Variants in SLC8A1 observed in about 807,000 individuals in gnomAD.
SLC8A1 encodes the protein sodium/calcium exchanger 1.
In SLC8A1, 18 loss-of-function variants were observed where a neutral mutation model predicts 68.3. That is an observed-to-expected ratio of 0.26 (90% CI 0.18 to 0.39). The LOEUF (loss-of-function observed/expected upper bound fraction) is 0.39, where lower values mean the gene tolerates loss of function less well. Among genes scored for constraint, SLC8A1 ranks in the 10% least tolerant of loss-of-function variants. The pLI is 1.00. For missense variants in SLC8A1, 985 were observed against 1,156.7 expected, an observed-to-expected ratio of 0.85 and a Z score of 2.15; for synonymous variants, 475 against 415.5, an observed-to-expected ratio of 1.14 and a Z score of -1.74.
At chr2:40,159,760 A>G (rs1283069775) in intron 6 of SLC8A1, among the ~76,000 whole-genome samples, 1 of 152,222 alleles carries the variant, frequency 6.6e-6, no homozygotes, top group East Asian at 1.9e-4. Flanking sequence ...GCAAAAAACC[A>G]AAGCAAGATT....
At chr2:40,371,424 G>T (rs1678009023) in intron 2 of SLC8A1, among the ~76,000 whole-genome samples, 1 of 152,064 alleles carries the variant, frequency 6.6e-6, no homozygotes, top group South Asian at 2.1e-4. Context: ...GGGAAAATCA[G>T]TAGTTTCTCA....
At chr2:40,363,163 G>C (rs1675090735) in intron 2 of SLC8A1, among the ~76,000 whole-genome samples, 1 of 152,074 alleles carries the variant, frequency 6.6e-6, no homozygotes, top group Non-Finnish European at 1.5e-5. Context: ...TATTAGATGA[G>C]TCTTATAATC....
exon 8 of SLC8A1, chr2:40,103,236 T>A (rs199987565): frequency 6.6e-6 from 1 of 152,200 alleles, no homozygotes; most frequent in East Asian, 1.9e-4. Flanking sequence ...TATGGTTGCT[T>A]TTTCTTTCTT....
chr2:40,415,092 G>A (rs1168901739), intron 2 of SLC8A1, among the ~76,000 whole-genome samples: 1 of 152,136 alleles, frequency 6.6e-6, no homozygotes, highest in African/African-American at 2.4e-5. Flanking sequence ...AGACTGATAA[G>A]GATAGCCTAT....
intron 2 of SLC8A1, among the ~76,000 whole-genome samples, chr2:40,394,026 C>T (rs1021013643): frequency 4.6e-5 from 7 of 152,006 alleles, no homozygotes; most frequent in South Asian, 4.1e-4. Context: ...GACAGTTTTG[C>T]TTGTGGCAGT....
At chr2:40,389,254 T>A (rs1410863590) in intron 2 of SLC8A1, among the ~76,000 whole-genome samples, 1 of 152,088 alleles carries the variant, frequency 6.6e-6, no homozygotes, top group Non-Finnish European at 1.5e-5. Context: ...AGGATTTTTT[T>A]TTTACCCTTT....
At chr2:40,119,360 C>T (rs572064706) in intron 7 of SLC8A1, among the ~76,000 whole-genome samples, 2 of 151,514 alleles carry the variant, frequency 1.3e-5, no homozygotes, top group South Asian at 2.1e-4. Context: ...TGCAGGAACA[C>T]ACGCAAATCC....
intron 6 of SLC8A1, among the ~76,000 whole-genome samples, chr2:40,151,088 A>T (rs1291259808): frequency 6.6e-6 from 1 of 152,190 alleles, no homozygotes; most frequent in Non-Finnish European, 1.5e-5. Context: ...AAGAATACTT[A>T]AGAACACTGA....
At chr2:40,447,401 A>G (rs866646580) in intron 1 of SLC8A1, among the ~76,000 whole-genome samples, 2 of 152,056 alleles carry the variant, frequency 1.3e-5, no homozygotes, top group Non-Finnish European at 2.9e-5. Context: ...GCTACTCTCT[A>G]TCCCTCCCCA....
chr2:40,380,677 G>A (rs1681452379), intron 2 of SLC8A1, among the ~76,000 whole-genome samples: 1 of 152,044 alleles, frequency 6.6e-6, no homozygotes, highest in African/African-American at 2.4e-5. Context: ...TTATGTTATT[G>A]CTACACTTAC....
intron 2 of SLC8A1, among the ~76,000 whole-genome samples, chr2:40,195,496 T>A (rs1221201037): frequency 6.6e-6 from 1 of 152,002 alleles, no homozygotes; most frequent in African/African-American, 2.4e-5. Flanking sequence ...GAGAAAGAAT[T>A]TGGAGAAAAA....
At chr2:40,365,536 G>A (rs1264248449) in intron 2 of SLC8A1, among the ~76,000 whole-genome samples, 2 of 152,030 alleles carry the variant, frequency 1.3e-5, no homozygotes, top group East Asian at 1.9e-4. Flanking sequence ...GAATCACTAC[G>A]GTTGGGGGCA....
intron 7 of SLC8A1, chr2:40,123,242 A>C (rs867837565): frequency 4.6e-5 from 7 of 152,250 alleles, no homozygotes; most frequent in Admixed American, 3.9e-4. Context: ...AAGAAGCTTC[A>C]TCATGTTCAA....
chr2:40,262,729 G>T (rs1424475357), intron 2 of SLC8A1, among the ~76,000 whole-genome samples: 3 of 152,176 alleles, frequency 2.0e-5, no homozygotes, highest in Middle Eastern at 3.2e-3. Context: ...CTCGAGTAAT[G>T]CATATATGGT....
intron 1 of SLC8A1, among the ~76,000 whole-genome samples, chr2:40,481,924 G>A (rs949060159): frequency 2.6e-5 from 4 of 152,108 alleles, no homozygotes; most frequent in African/African-American, 4.8e-5. Flanking sequence ...TTGAATTTCA[G>A]AGATGGAAGA....
intron 1 of SLC8A1, among the ~76,000 whole-genome samples, chr2:40,431,170 G>C (rs955629227): frequency 3.9e-5 from 6 of 151,978 alleles, no homozygotes; most frequent in African/African-American, 1.5e-4. Context: ...TGGAAAGGGA[G>C]ATAAACAGGC....
intron 2 of SLC8A1, among the ~76,000 whole-genome samples, chr2:40,248,341 G>A (rs2062188280): frequency 6.6e-6 from 1 of 152,130 alleles, no homozygotes; most frequent in Non-Finnish European, 1.5e-5. Flanking sequence ...ATGAGAAGGT[G>A]GGTACCTTTG....
chr2:40,232,476 A>C (rs2059781044), intron 2 of SLC8A1, among the ~76,000 whole-genome samples: 1 of 150,386 alleles, frequency 6.6e-6, no homozygotes, highest in Non-Finnish European at 1.5e-5. Flanking sequence ...GCCTCTATTT[A>C]CACAAAGAGA....
At chr2:40,294,290 G>T (rs952619269) in intron 2 of SLC8A1, among the ~76,000 whole-genome samples, 2 of 151,890 alleles carry the variant, frequency 1.3e-5, no homozygotes, top group Non-Finnish European at 2.9e-5. Flanking sequence ...TTGATTATTT[G>T]CTATCTGCCA....
Sources: allele counts gnomAD v4.1 joint callset (sites outside exome capture counted in the v4.1 genomes callset), GRCh38; gene constraint gnomAD v4.1.1; transcripts MANE v1.5; gene names NCBI Gene and HGNC (gene_info 2026-07-23, HGNC 2026-07-21).